The following ZNF334 variants were observed in gnomAD, a reference collection of about 807,000 sequenced individuals.
ZNF334 encodes the protein zinc finger protein 334.
A neutral mutation model predicts 12.4 loss-of-function variants in ZNF334; 14 were observed. The observed-to-expected ratio is 1.13, with a 90% confidence interval of 0.74 to 1.76. The LOEUF (loss-of-function observed/expected upper bound fraction) is 1.76, where lower values mean the gene tolerates loss of function less well. Ranked by LOEUF, ZNF334 falls within the 40% of genes most tolerant of loss-of-function variation. The pLI is 0.00. For synonymous variants in ZNF334, 273 were observed against 269.6 expected, an observed-to-expected ratio of 1.01 and a Z score of -0.12; for missense variants, 797 against 804.5, an observed-to-expected ratio of 0.99 and a Z score of 0.11.
intron 2 of ZNF334, among the ~76,000 whole-genome samples, chr20:46,507,559 G>GT (rs2061482476): frequency 6.6e-6 from 1 of 152,206 alleles, no homozygotes; most frequent in Admixed American, 6.5e-5. Context: ...GGAAACACAG[G>GT]TATTTTGTGT....
At chr20:46,463,621 C>A in the ZNF334 span, 1 of 194,140 alleles carries the variant, frequency 5.2e-6, no homozygotes, top group Non-Finnish European at 1.1e-5. Context: ...ACAGATGACA[C>A]AACACACCTA....
intron 2 of ZNF334, chr20:46,506,384 G>A (rs937544056): frequency 7.2e-6 from 4 of 556,988 alleles, no homozygotes; most frequent in Non-Finnish European, 9.6e-6. Flanking sequence ...CCAGCACTCT[G>A]AGAGGTTGAG....
intron 1 of ZNF334, among the ~76,000 whole-genome samples, 196 bp from the exon 2 acceptor site, chr20:46,512,336 G>T (rs142247737): frequency 6.6e-6 from 1 of 152,148 alleles, no homozygotes; most frequent in Non-Finnish European, 1.5e-5. Context: ...TTCTTACTGA[G>T]TGAGTGTCAA....
At chr20:46,465,100 C>T in the ZNF334 span, 8 of 258,984 alleles carry the variant, frequency 3.1e-5, no homozygotes, top group Non-Finnish European at 7.6e-6. Context: ...ATCCCATGCA[C>T]AAAATACCAG....
In ZNF334 at chr20:46,502,352, G is replaced by C. The variant is rs1185439084; in HGVS notation, c.987C>G (p.Thr329=). Residue 329 remains threonine (T), a synonymous_variant, in exon 5 of 5, where the codon ACC becomes ACG. Transcript: ENST00000692313. The part of the protein sequence containing the change: ...KSYECNECGK[T]FFRKSALAEH... ...CAGCCAGGGCTGACTTCCGAAAAAA[G>C]GTCTTTCCACATTCATTACACTCAT... is the stretch of plus-strand genomic sequence containing the variant. 1.2e-6 allele frequency: 2 copies of C among 1,613,920 alleles called. No homozygotes were observed. The highest frequency in any genetic ancestry group is 1.7e-5 in the Admixed American group (1 of 60,008).
At chr20:46,492,594 C>T in the ZNF334 span, 3 of 152,550 alleles carry the variant, frequency 2.0e-5, no homozygotes, top group Non-Finnish European at 4.4e-5. Context: ...AGCTTAAACT[C>T]AAAGCTTTCT....
intron 2 of ZNF334, chr20:46,506,308 T>C (rs182945159): frequency 1.5e-6 from 1 of 651,430 alleles, no homozygotes; most frequent in Non-Finnish European, 2.8e-6. Flanking sequence ...ATATATTACC[T>C]TTTATGTAAG....
rs752958636 is a variant in ZNF334, at chr20:46,504,752, T to C, written c.22-12A>G. The C allele has an allele frequency of 1.9e-6, 3 of 1,592,630 alleles. No homozygotes were observed. The highest frequency in any genetic ancestry group is 2.6e-6 in the Non-Finnish European group (3 of 1,171,624). On this transcript the variant is annotated splice_polypyrimidine_tract_variant and intron_variant, in intron 2 of 4. Coordinates refer to ENST00000692313, the MANE Select transcript of ZNF334 (RefSeq NM_001353824.2). ...AATGAAACTGGTATCTGAAAGAAAATGTTTAATCTTGGGTGACCAAAATTG... is the reference window on the plus strand; with the variant it reads ...AATGAAACTGGTATCTGAAAGAAAACGTTTAATCTTGGGTGACCAAAATTG...
At chr20:46,495,632 A>G (rs1328834633), downstream of ZNF334, among the ~76,000 whole-genome samples, 6 of 152,154 alleles carry the variant, frequency 3.9e-5, no homozygotes, top group African/African-American at 1.4e-4. Context: ...ATGGGGTATA[A>G]GAGTATTTTC....
intron 4 of ZNF334, 30 bp downstream of exon 4, chr20:46,504,184 G>C: frequency 1.3e-6 from 2 of 1,490,504 alleles, no homozygotes; most frequent in Non-Finnish European, 1.8e-6. Flanking sequence ...ATTTCCATTG[G>C]TTCCACCTGC....
chr20:46,503,188 G>T, intron 4 of ZNF334, 91 bp from the exon 5 acceptor site: 1 of 1,391,492 alleles, frequency 7.2e-7, no homozygotes, highest in Non-Finnish European at 9.4e-7. Flanking sequence ...TGTTTTAGGG[G>T]TTAGACTTCA....
At chr20:46,476,631 A>G in the ZNF334 span, among the ~76,000 whole-genome samples, 3 of 152,206 alleles carry the variant, frequency 2.0e-5, no homozygotes, top group African/African-American at 4.8e-5. Flanking sequence ...TCTTTTTTAT[A>G]TGTGCAGTCT....
Position 46,502,546 on chromosome 20 carries a change from A to G in ZNF334, c.793T>C (p.Tyr265His). 1 of 1,613,724 alleles carries G rather than the reference A, an allele frequency of 6.2e-7. No individual in the cohort carries two copies. ...HQRIHTGEKP[Y>H]VCSDCRKTFR... ...GTTTTCCTACAATCACTACAAACATACGGTTTCTCCCCTGTATGAATTCTC... is the reference window on the plus strand; with the variant it reads ...GTTTTCCTACAATCACTACAAACATGCGGTTTCTCCCCTGTATGAATTCTC... The change falls in exon 5 of 5, where the codon TAT (tyrosine) becomes CAT (histidine). Residue 265 changes from tyrosine (Y) to histidine (H), a missense_variant. Tyr to His is a moderately conservative substitution (Grantham distance 83). Coordinates refer to ENST00000692313, the MANE Select transcript of ZNF334 (RefSeq NM_001353824.2).
the ZNF334 span, among the ~76,000 whole-genome samples, chr20:46,467,288 A>AT: frequency 1.4e-3 from 206 of 152,324 alleles, no homozygotes; most frequent in Middle Eastern, 6.8e-3. Flanking sequence ...AAAATAAGGC[A>AT]TTTTTTGGGA....
chr20:46,471,632 G>A, the ZNF334 span, among the ~76,000 whole-genome samples: 280 of 150,150 alleles, frequency 1.9e-3, 1 homozygote, highest in Non-Finnish European at 3.2e-3. Context: ...TTAAGTATAC[G>A]GTGAAAGGTA....
the ZNF334 span, among the ~76,000 whole-genome samples, chr20:46,468,394 C>G: frequency 4.3e-4 from 66 of 152,144 alleles, no homozygotes; most frequent in Middle Eastern, 6.8e-3. Context: ...CCCACCTCAG[C>G]CTCCTGAGTA....
the ZNF334 span, among the ~76,000 whole-genome samples, chr20:46,486,268 G>T: frequency 7.2e-5 from 11 of 152,092 alleles, no homozygotes; most frequent in Non-Finnish European, 2.9e-5. Flanking sequence ...TTGTTAAATA[G>T]CTGGGTGTGG....
the ZNF334 span, among the ~76,000 whole-genome samples, chr20:46,479,152 CTG>C: frequency 4.9e-3 from 751 of 152,314 alleles, 5 homozygotes; most frequent in Non-Finnish European, 6.0e-3. Flanking sequence ...GCTGGAGAGA[CTG>C]TGCTCTTTCT....
At position 46,513,385 on chromosome 20, in the gene ZNF334, C is replaced by G. The variant is rs2061723052; in HGVS notation, c.-884G>C. On this transcript the variant is annotated 5_prime_UTR_variant, in exon 1 of 5. Coordinates refer to ENST00000692313, the MANE Select transcript of ZNF334 (RefSeq NM_001353824.2). ...AGCGCGCGTCCACCCTCCGCAGACC[C>G]GAGGCCCGCTCCGCCCGGCCCCACC... The G allele has an allele frequency of 1.3e-5, 2 of 152,732 alleles. No individual in the cohort carries two copies. The allele number at this position is 152,732 out of a possible 1,614,324, so 9.5% of individuals were successfully genotyped here. A position where few individuals can be genotyped will look rare whatever the true frequency, so the allele number is the denominator to read the frequency against.
Sources: allele counts gnomAD v4.1 joint callset (sites outside exome capture counted in the v4.1 genomes callset), GRCh38; gene constraint gnomAD v4.1.1; transcripts MANE v1.5; gene names NCBI Gene and HGNC (gene_info 2026-07-23, HGNC 2026-07-21).